The following GALNT10 variants were observed in gnomAD, a reference collection of about 807,000 sequenced individuals.
GALNT10 encodes polypeptide N-acetylgalactosaminyltransferase 10.
In GALNT10, 41 loss-of-function variants were observed where a neutral mutation model predicts 75.0. That is an observed-to-expected ratio of 0.55 (90% CI 0.43 to 0.71). The LOEUF (loss-of-function observed/expected upper bound fraction) is 0.71. Among genes scored for constraint, GALNT10 ranks in the 30% least tolerant of loss-of-function variants. The pLI is 0.00. For synonymous variants in GALNT10, 302 were observed against 313.0 expected (o/e 0.96, Z 0.37); for missense variants, 727 against 818.5 (o/e 0.89, Z 1.36).
intron 4 of GALNT10, among the ~76,000 whole-genome samples, chr5:154,368,922 G>A (rs1755520098): frequency 1.3e-5 from 2 of 152,216 alleles, no homozygotes; most frequent in African/African-American, 2.4e-5. Flanking sequence ...GAGAGGTGGT[G>A]TAGTTGCATG....
At chr5:154,364,431 A>G (rs947191907) in intron 4 of GALNT10, among the ~76,000 whole-genome samples, 3 of 152,200 alleles carry the variant, frequency 2.0e-5, no homozygotes, top group African/African-American at 7.2e-5. Context: ...GTGGCAGAAG[A>G]TCCCAATGCA....
chr5:154,391,336 C>T (rs141970142), intron 7 of GALNT10, among the ~76,000 whole-genome samples: 4 of 152,318 alleles, frequency 2.6e-5, no homozygotes, highest in African/African-American at 7.2e-5. Context: ...TCAATCAACA[C>T]GTACCTTCAG....
chr5:154,281,106 T>C lies in GALNT10; in HGVS notation c.160-13710T>C, dbSNP rs1401843909. 2.0e-5 allele frequency among the ~76,000 whole-genome samples: 3 copies of C among 152,360 alleles called. No homozygotes were observed. In the East Asian group the frequency reaches 5.8e-4, roughly 29 times the overall value. The stretch of plus-strand genomic sequence containing the variant: ...TTGGCATTTTTCCAGGTCTGTTGAA[T>C]ATCAGTTTCTATAAAGAGTAACTTG... On this transcript the variant is annotated intron_variant, in intron 1 of 11. Coordinates refer to ENST00000297107, the MANE Select transcript of GALNT10 (RefSeq NM_198321.4).
In GALNT10 at chr5:154,365,329, A is replaced by G. The variant is rs1755458556; in HGVS notation, c.569-10948A>G. Reference sequence around the variant, plus strand: ...AAGAACAGGGGGGCCTGTGGTTTCAAAGCAAATATTTGGGGAAGGTGTACA... The same window carrying G: ...AAGAACAGGGGGGCCTGTGGTTTCAGAGCAAATATTTGGGGAAGGTGTACA... On this transcript the variant is annotated intron_variant, in intron 4 of 11. Coordinates refer to ENST00000297107, the MANE Select transcript of GALNT10 (RefSeq NM_198321.4). Among the ~76,000 whole-genome samples the G allele has an allele frequency of 2.0e-5, 3 of 152,302 alleles. No homozygotes were observed. In the South Asian group the frequency reaches 6.2e-4, roughly 32 times the overall value.
chr5:154,409,535 C>T lies in GALNT10; in HGVS notation c.1165-6C>T. 1.2e-6 allele frequency: 2 copies of T among 1,600,942 alleles called. No homozygotes were observed. The highest frequency in any genetic ancestry group is 1.7e-6 in the Non-Finnish European group (2 of 1,167,902). ...ACTGACCCCTCCATTGCTTCTTGCC[C>T]CATAGAACCTTAAGCGGGTGGCCGA... On this transcript the variant is annotated splice_region_variant and splice_polypyrimidine_tract_variant and intron_variant, in intron 8 of 11. Transcript: ENST00000297107. The surrounding 1 kb of genome is among the most constrained non-coding windows in gnomAD (Gnocchi z 4.5).
At chr5:154,393,434 G>C (rs570800346) in intron 7 of GALNT10, among the ~76,000 whole-genome samples, 3 of 152,122 alleles carry the variant, frequency 2.0e-5, no homozygotes, top group African/African-American at 7.2e-5. Flanking sequence ...GCCTTTGGGG[G>C]TGGGAGGTCT....
chr5:154,204,245 G>A (rs1775071706), intron 1 of GALNT10, among the ~76,000 whole-genome samples: 1 of 152,174 alleles, frequency 6.6e-6, no homozygotes, highest in African/African-American at 2.4e-5. Context: ...GATACTCAGT[G>A]AGGCCCTGAA....
At position 154,420,974 on chromosome 5, in the gene GALNT10, C is replaced by T. The variant is rs920125829; in HGVS notation, c.*4002C>T. On this transcript the variant is annotated 3_prime_UTR_variant, in exon 12 of 12. Transcript: ENST00000297107. ...GAACGTTGTTGAGTAAACCTCCAGACTTTCTCTAAAGTGGTCTCTGCCTTC... is the reference window on the plus strand; with the variant it reads ...GAACGTTGTTGAGTAAACCTCCAGATTTTCTCTAAAGTGGTCTCTGCCTTC... 1.3e-5 allele frequency: 2 copies of T among 152,272 alleles called. No homozygotes were observed. Among genetic ancestry groups the T allele is most frequent in the Non-Finnish European group, 2.9e-5 (2 of 68,060 alleles). 9.4% of individuals were successfully genotyped at this position (152,272 alleles called of 1,614,324 possible).
Position 154,263,677 on chromosome 5 carries a change from G to A in GALNT10, c.160-31139G>A, listed in dbSNP as rs185216184. Among the ~76,000 whole-genome samples, 795 of 152,212 alleles carry A rather than the reference G, an allele frequency of 5.2e-3. 6 individuals are homozygous for A. Among genetic ancestry groups the A allele is most frequent in the Non-Finnish European group, 8.4e-3 (569 of 68,008 alleles). On this transcript the variant is annotated intron_variant, in intron 1 of 11. Transcript: ENST00000297107. Reference sequence around the variant, plus strand: ...AGGGCCCGCTTTCTAGTTCGTAGACGGTGCCTTCTTATTTGTGCCCTTACA... The same window carrying A: ...AGGGCCCGCTTTCTAGTTCGTAGACAGTGCCTTCTTATTTGTGCCCTTACA...
At chr5:154,297,296 A>G (rs28733783) in intron 2 of GALNT10, among the ~76,000 whole-genome samples, 2,376 of 152,346 alleles carry the variant, frequency 0.016, 47 homozygotes, top group African/African-American at 0.053. Flanking sequence ...GAGTAGGCAG[A>G]TCTTAATTTG....
intron 4 of GALNT10, among the ~76,000 whole-genome samples, chr5:154,350,761 G>T (rs1340607431): frequency 6.6e-6 from 1 of 152,172 alleles, no homozygotes; most frequent in South Asian, 2.1e-4. Flanking sequence ...GCTCGCTCCC[G>T]CACACCGCTA....
intron 1 of GALNT10, among the ~76,000 whole-genome samples, chr5:154,288,369 G>C (rs966289247): frequency 1.3e-5 from 2 of 151,128 alleles, no homozygotes; most frequent in African/African-American, 4.9e-5. Flanking sequence ...AGGCTGCCAG[G>C]CCTGCTAAAT....
intron 1 of GALNT10, among the ~76,000 whole-genome samples, chr5:154,278,985 G>A (rs1421250921): frequency 1.3e-5 from 2 of 152,074 alleles, no homozygotes; most frequent in East Asian, 3.8e-4. Flanking sequence ...TTTGCCTATT[G>A]TGGTAATGTG....
At chr5:154,330,041 C>G (rs1380238820) in intron 4 of GALNT10, 1 of 215,426 alleles carries the variant, frequency 4.6e-6, no homozygotes, top group Non-Finnish European at 9.2e-6. Flanking sequence ...CTGTCTCTAT[C>G]TATTTATTAA....
At chr5:154,297,146 T>G (rs1271661653) in intron 2 of GALNT10, among the ~76,000 whole-genome samples, 1 of 151,916 alleles carries the variant, frequency 6.6e-6, no homozygotes, top group Non-Finnish European at 1.5e-5. Flanking sequence ...ACTTACCATA[T>G]GCACCTGGGA....
chr5:154,225,392 CTT>C (rs78087904), intron 1 of GALNT10, among the ~76,000 whole-genome samples: 87 of 137,430 alleles, frequency 6.3e-4, no homozygotes, highest in Non-Finnish European at 5.4e-4. Context: ...TGCGCCCGGC[CTT>C]TTTTTTTTTT....
At chr5:154,283,543 G>A (rs576374) in intron 1 of GALNT10, among the ~76,000 whole-genome samples, 11,165 of 152,224 alleles carry the variant, frequency 0.073, 422 homozygotes, top group Middle Eastern at 0.14. Context: ...TGCTGCCCAG[G>A]AGATTCAGAG....
intron 1 of GALNT10, among the ~76,000 whole-genome samples, chr5:154,233,367 A>G (rs1753195368): frequency 6.6e-6 from 1 of 152,204 alleles, no homozygotes; most frequent in South Asian, 2.1e-4. Context: ...ATAAATGAAT[A>G]ATAAATGAAG....
At chr5:154,283,189 A>G (rs550646195) in intron 1 of GALNT10, among the ~76,000 whole-genome samples, 1 of 151,266 alleles carries the variant, frequency 6.6e-6, no homozygotes, top group East Asian at 2.0e-4. Flanking sequence ...CACGCCTGTA[A>G]TCTCAGCACT....
Sources: gnomAD v4.1 joint callset for allele counts (sites outside exome capture counted in the v4.1 genomes callset) on GRCh38, gnomAD v4.1.1 for gene constraint, Gnocchi (gnomAD v3.1) non-coding constraint, MANE v1.5 for transcripts, NCBI Gene and HGNC (gene_info 2026-07-23, HGNC 2026-07-21) for gene names.